IFT57: variants seen among roughly 807,000 people sequenced by gnomAD.
IFT57 encodes intraflagellar transport protein 57 homolog.
A neutral mutation model predicts 56.8 loss-of-function variants in IFT57; 59 were observed. That is an observed-to-expected ratio of 1.04 (90% CI 0.84 to 1.29). The LOEUF is 1.29. Ranked by LOEUF, IFT57 falls within the 50% of genes most tolerant of loss-of-function variation. The pLI, the probability that IFT57 is intolerant of heterozygous loss-of-function variation, is 0.00. For synonymous variants in IFT57, 209 were observed against 186.1 expected, an observed-to-expected ratio of 1.12 and a Z score of -1.00; for missense variants, 470 against 522.1, an observed-to-expected ratio of 0.90 and a Z score of 0.97.
chr3:108,198,907 A>G (rs1476836138), intron 5 of IFT57, among the ~76,000 whole-genome samples: 1 of 152,288 alleles, frequency 6.6e-6, no homozygotes, highest in Admixed American at 6.5e-5. Flanking sequence ...ACTGATTTGC[A>G]TTGCTTCATA....
At chr3:108,210,008 T>G (rs921559805) in intron 4 of IFT57, among the ~76,000 whole-genome samples, 1 of 152,280 alleles carries the variant, frequency 6.6e-6, no homozygotes, top group East Asian at 1.9e-4. Flanking sequence ...TTACTAAGTA[T>G]TAAGAGAGCA....
intron 6 of IFT57, among the ~76,000 whole-genome samples, chr3:108,181,355 T>A (rs2080150415): frequency 6.6e-6 from 1 of 152,070 alleles, no homozygotes; most frequent in Non-Finnish European, 1.5e-5. Flanking sequence ...CTGTCCAGGA[T>A]CCACATGAAA....
At chr3:108,183,362 C>A (rs530465839) in intron 6 of IFT57, among the ~76,000 whole-genome samples, 2 of 152,244 alleles carry the variant, frequency 1.3e-5, no homozygotes, top group East Asian at 3.9e-4. Context: ...AGCAGCCAGA[C>A]CGGGAAGCAA....
chr3:108,177,256 G>A (rs2080129253), intron 6 of IFT57, among the ~76,000 whole-genome samples: 1 of 151,590 alleles, frequency 6.6e-6, no homozygotes, highest in South Asian at 2.1e-4. Context: ...CCAGACCCCA[G>A]ATGGCTTCAT....
intron 5 of IFT57, among the ~76,000 whole-genome samples, chr3:108,194,039 C>T (rs1321154612): frequency 6.6e-6 from 1 of 152,176 alleles, no homozygotes; most frequent in Non-Finnish European, 1.5e-5. Context: ...GGGTTATGGG[C>T]AATCCCAATC....
chr3:108,166,911 G>A lies in IFT57; in HGVS notation c.924C>T (p.Asn308=). 6.2e-7 allele frequency: 1 copy of A among 1,611,536 alleles called. No homozygotes were observed. The change falls in exon 8 of 11, where the codon AAC becomes AAT. Residue 308 remains asparagine (N), a synonymous_variant. Coordinates refer to ENST00000264538, the MANE Select transcript of IFT57 (RefSeq NM_018010.4). ...CTTGAACCAAATTCTCAAGCTGATT[G>A]TTGATGTACTTTTCTCGGCTGCTGA... The part of the protein sequence containing the change: ...EKISSREKYI[N]NQLENLVQEY...
At chr3:108,186,930 G>GT (rs1228372479) in intron 6 of IFT57, among the ~76,000 whole-genome samples, 5 of 151,860 alleles carry the variant, frequency 3.3e-5, no homozygotes, top group Non-Finnish European at 7.4e-5. Context: ...TTATTTTATT[G>GT]TAAGAATACA....
chr3:108,213,818 T>C, intron 4 of IFT57, 113 bp downstream of exon 4: 1 of 657,458 alleles, frequency 1.5e-6, no homozygotes, highest in Admixed American at 2.9e-5. Flanking sequence ...GCTTTTCTTC[T>C]TTAGAAACAA....
chr3:108,217,732 A>G (rs2080380584), intron 3 of IFT57, among the ~76,000 whole-genome samples: 1 of 151,696 alleles, frequency 6.6e-6, no homozygotes, highest in Admixed American at 6.6e-5. Context: ...CTAATTAAAA[A>G]AAAAAAAACA....
At chr3:108,215,040 A>G (rs2080363558) in intron 3 of IFT57, among the ~76,000 whole-genome samples, 1 of 152,096 alleles carries the variant, frequency 6.6e-6, no homozygotes, top group African/African-American at 2.4e-5. Context: ...GATCAATCTG[A>G]AGTTTATTTT....
At chr3:108,194,447 T>C (rs1007478993) in intron 5 of IFT57, among the ~76,000 whole-genome samples, 4 of 151,060 alleles carry the variant, frequency 2.6e-5, no homozygotes, top group African/African-American at 2.4e-5. Context: ...GCAATCCCTA[T>C]AAAAATACTA....
rs202246786 is a variant in IFT57 at position 108,219,542 on chromosome 3, G to A, written c.243C>T (p.Gly81=). ...RHYFALPTNP[G]EQFYMFCTLA... ...GAGTACAAAACATGTAGAACTGTTC[G>A]CCAGGGTTGGTAGGCAGTGCAAAAT... Residue 81 remains glycine (G), a synonymous_variant, in exon 2 of 11, where the codon GGC becomes GGT. Coordinates refer to ENST00000264538, the MANE Select transcript of IFT57 (RefSeq NM_018010.4). 18 of 1,613,886 alleles carry A rather than the reference G, an allele frequency of 1.1e-5. No homozygotes were observed. The highest frequency in any genetic ancestry group is 9.3e-5 in the African/African-American group (7 of 75,018).
chr3:108,206,966 G>A (rs1195300296), intron 4 of IFT57, among the ~76,000 whole-genome samples: 1 of 152,056 alleles, frequency 6.6e-6, no homozygotes, highest in Non-Finnish European at 1.5e-5. Flanking sequence ...GGGAGGGAAA[G>A]GAAGGGAGCC....
chr3:108,202,715 T>C (rs2080285992), intron 5 of IFT57, among the ~76,000 whole-genome samples: 1 of 152,210 alleles, frequency 6.6e-6, no homozygotes, highest in Admixed American at 6.5e-5. Context: ...ATTGCAGTTG[T>C]TGGCAAAATC....
chr3:108,212,762 C>G (rs1441417367), intron 4 of IFT57, among the ~76,000 whole-genome samples: 1 of 152,060 alleles, frequency 6.6e-6, no homozygotes, highest in African/African-American at 2.4e-5. Flanking sequence ...CTATACTAAC[C>G]TCAATGCCAA....
chr3:108,190,390 A>G (rs981820372), intron 6 of IFT57, among the ~76,000 whole-genome samples: 1 of 152,164 alleles, frequency 6.6e-6, no homozygotes, highest in Non-Finnish European at 1.5e-5. Context: ...CCTGGTGGGA[A>G]GTGATTGGAT....
At chr3:108,164,403 A>C (rs2080049876) in intron 9 of IFT57, among the ~76,000 whole-genome samples, 1 of 152,012 alleles carries the variant, frequency 6.6e-6, no homozygotes, top group African/African-American at 2.4e-5. Flanking sequence ...AGAAATTGAA[A>C]ATTTTTTACA....
At position 108,222,365 on chromosome 3, in the gene IFT57, C is replaced by T. The variant is rs2080411816; in HGVS notation, c.-43G>A. On this transcript the variant is annotated 5_prime_UTR_variant, in exon 1 of 11. Transcript: ENST00000264538. The stretch of plus-strand genomic sequence containing the variant: ...CCAGCGTGGGCTCAGGCCCACAGAC[C>T]TCTGCGGCCTAAGCCGCCAGCCCTG... The T allele has an allele frequency of 1.2e-5, 18 of 1,536,782 alleles. No homozygotes were observed. Among genetic ancestry groups the T allele is most frequent in the Non-Finnish European group, 1.5e-5 (17 of 1,142,798 alleles).
At chr3:108,177,180 TA>T (rs1560106080) in intron 6 of IFT57, among the ~76,000 whole-genome samples, 4 of 151,930 alleles carry the variant, frequency 2.6e-5, no homozygotes, top group Admixed American at 2.0e-4. Flanking sequence ...AATAATGCAA[TA>T]AAAATGAATT....
Sources: allele counts gnomAD v4.1 joint callset (sites outside exome capture counted in the v4.1 genomes callset), GRCh38; gene constraint gnomAD v4.1.1; transcripts MANE v1.5; gene names NCBI Gene and HGNC (gene_info 2026-07-23, HGNC 2026-07-21).